PDK3: variants seen among roughly 807,000 people sequenced by gnomAD.
PDK3 encodes pyruvate dehydrogenase kinase, isozyme 3.
Under a neutral mutation model 32.0 loss-of-function variants are expected in PDK3, and 12 were observed. The ratio of observed to expected loss-of-function variants is 0.37; its 90% CI spans 0.24 to 0.61. The LOEUF (loss-of-function observed/expected upper bound fraction) is 0.61, where lower values mean the gene tolerates loss of function less well. Among genes scored for constraint, PDK3 ranks in the 20% least tolerant of loss-of-function variants. PDK3 has a pLI of 0.65. For synonymous variants in PDK3, 122 were observed against 116.3 expected (o/e 1.05, Z -0.31); for missense variants, 188 against 316.9 (o/e 0.59, Z 3.09).
At chrX:24,467,028 A>G (rs1940070900) in intron 1 of PDK3, among the ~76,000 whole-genome samples, 1 of 112,232 alleles carries the variant, frequency 8.9e-6, no homozygotes, top group South Asian at 3.7e-4. Flanking sequence ...TTTAAGTGAT[A>G]GCTCCAATAG....
At chrX:24,549,295 A>C (rs1390717900) in exon 12 of PDK3, 1 of 111,253 alleles carries the variant, frequency 9.0e-6, no homozygotes, top group African/African-American at 3.3e-5. Context: ...CATCATATTA[A>C]GTCCTTTTCA....
intron 1 of PDK3, among the ~76,000 whole-genome samples, chrX:24,469,159 G>T (rs1300422296): frequency 8.9e-6 from 1 of 111,913 alleles, no homozygotes; most frequent in Non-Finnish European, 1.9e-5. Context: ...GTTGTTTCTA[G>T]ACTTTGCTGT....
chrX:24,534,107 T>G lies in PDK3; in HGVS notation c.*35T>G. 22 of 1,174,281 alleles carry G rather than the reference T, an allele frequency of 1.9e-5. No homozygotes were observed. The highest frequency in any genetic ancestry group is 2.5e-5 in the Non-Finnish European group (22 of 874,952). ...TTGATTTCCATTACAAAGTATCTGA[T>G]TTGTCTGAATAAAGGTGTCCCACTC... On this transcript the variant is annotated 3_prime_UTR_variant, in exon 11 of 11. Coordinates refer to ENST00000379162, the MANE Select transcript of PDK3 (RefSeq NM_005391.5).
intron 1 of PDK3, among the ~76,000 whole-genome samples, chrX:24,492,090 A>C (rs1360090764): frequency 8.9e-6 from 1 of 112,425 alleles, no homozygotes; most frequent in East Asian, 2.8e-4. Context: ...CTGGCATGTG[A>C]AAAGCTAGAC....
chrX:24,520,722 G>A (rs1922375001), intron 6 of PDK3, among the ~76,000 whole-genome samples: 1 of 112,162 alleles, frequency 8.9e-6, no homozygotes, highest in South Asian at 3.7e-4. Flanking sequence ...TATTTATAAC[G>A]TGGTTTTCAC....
chrX:24,522,905 CAAA>C (rs778995966), intron 6 of PDK3, among the ~76,000 whole-genome samples: 1 of 83,685 alleles, frequency 1.2e-5, no homozygotes, highest in Non-Finnish European at 2.4e-5. Flanking sequence ...GACTCCATCT[CAAA>C]AAAAAAAAAG....
intron 1 of PDK3, among the ~76,000 whole-genome samples, chrX:24,485,613 C>T (rs916183611): frequency 3.6e-5 from 4 of 111,655 alleles, no homozygotes; most frequent in African/African-American, 1.3e-4. Flanking sequence ...AAGGGCCACC[C>T]TCTGTTCTGA....
rs139925667 is a variant in PDK3, at chrX:24,527,983, A to G, written c.853-93A>G. 3,019 of 515,560 alleles carry G rather than the reference A, an allele frequency of 5.9e-3. 11 individuals carry two copies. The highest frequency in any genetic ancestry group is 8.2e-3 in the Non-Finnish European group (2,393 of 291,630). 42.5% of individuals were successfully genotyped at this position (515,560 alleles called of 1,213,427 possible). ...CAAAGTCCTTGTACATTGTGGAGTA[A>G]TCTGCTATGTACTTTATTTAATGAA... On this transcript the variant is annotated intron_variant, in intron 8 of 10. Coordinates refer to ENST00000379162, the MANE Select transcript of PDK3 (RefSeq NM_005391.5).
chrX:24,503,619 T>A (rs1007577680), intron 4 of PDK3, 108 bp downstream of exon 4: 5 of 545,246 alleles, frequency 9.2e-6, no homozygotes, highest in Non-Finnish European at 1.4e-5. Flanking sequence ...TGTAGAAATT[T>A]CATTTCTAGT....
At chrX:24,515,487 G>A (rs1268433590) in intron 5 of PDK3, among the ~76,000 whole-genome samples, 1 of 112,283 alleles carries the variant, frequency 8.9e-6, no homozygotes. Context: ...GTTTTGTAGT[G>A]AATGGAAGAG....
intron 4 of PDK3, 145 bp downstream of exon 4, chrX:24,503,656 C>T: frequency 2.4e-6 from 1 of 411,181 alleles, no homozygotes. Context: ...GAATCCTAGC[C>T]ATTACAAAGC....
intron 1 of PDK3, 51 bp from the exon 2 acceptor site, chrX:24,494,691 T>G (rs1921657804): frequency 1.0e-6 from 1 of 993,174 alleles, no homozygotes; most frequent in Non-Finnish European, 1.4e-6. Context: ...GCACTTTATT[T>G]CTCCATCTGT....
intron 6 of PDK3, among the ~76,000 whole-genome samples, chrX:24,520,947 A>T (rs1350798505): frequency 2.7e-5 from 3 of 111,086 alleles, no homozygotes; most frequent in African/African-American, 9.8e-5. Flanking sequence ...GGATTCCTAG[A>T]TGTGGAATGA....
chrX:24,532,665 TC>T (rs1396330182), intron 10 of PDK3, among the ~76,000 whole-genome samples: 33 of 112,032 alleles, frequency 2.9e-4, no homozygotes, highest in African/African-American at 9.7e-4. Context: ...CCAGTTCTGT[TC>T]AGCGAAGATC....
chrX:24,477,437 A>C (rs1288395742), intron 1 of PDK3, among the ~76,000 whole-genome samples: 1 of 111,970 alleles, frequency 8.9e-6, no homozygotes, highest in African/African-American at 3.2e-5. Flanking sequence ...TTGGCAAAGT[A>C]ATTATCAAAG....
chrX:24,521,934 A>G (rs756850781), intron 6 of PDK3, among the ~76,000 whole-genome samples: 1 of 82,756 alleles, frequency 1.2e-5, no homozygotes, highest in East Asian at 3.2e-4. Flanking sequence ...TCTTAATGCT[A>G]GAGCTCTCTT....
chrX:24,527,435 G>A (rs1285754123), intron 7 of PDK3, 139 bp from the exon 8 acceptor site: 1 of 419,490 alleles, frequency 2.4e-6, no homozygotes, highest in African/African-American at 2.5e-5. Flanking sequence ...TCTTTAGAGG[G>A]AAAAATGCCA....
chrX:24,508,260 A>C (rs940096365), intron 5 of PDK3, among the ~76,000 whole-genome samples: 3 of 110,752 alleles, frequency 2.7e-5, no homozygotes, highest in Non-Finnish European at 5.7e-5. Context: ...ATCTCGTGGG[A>C]ACTCACTATC....
chrX:24,498,271 C>G (rs939920742), intron 2 of PDK3, among the ~76,000 whole-genome samples: 5 of 111,641 alleles, frequency 4.5e-5, no homozygotes, highest in Non-Finnish European at 5.6e-5. Flanking sequence ...GCTCATGTCA[C>G]TAGAAGGTCC....
Sources: allele counts gnomAD v4.1 joint callset (sites outside exome capture counted in the v4.1 genomes callset), GRCh38; gene constraint gnomAD v4.1.1; transcripts MANE v1.5; gene names NCBI Gene and HGNC (gene_info 2026-07-23, HGNC 2026-07-21).